The following WDR27 variants were observed in gnomAD, a reference collection of about 807,000 sequenced individuals.
WDR27 encodes WD repeat-containing protein 27.
Under a neutral mutation model 114.4 loss-of-function variants are expected in WDR27, and 100 were observed. The observed-to-expected ratio is 0.87, with a 90% CI of 0.74 to 1.03. The LOEUF is 1.03. Among genes scored for constraint, WDR27 ranks in the 50% least tolerant of loss-of-function variants. WDR27 has a pLI of 0.00. For missense variants in WDR27, 1,129 were observed against 1,092.9 expected (o/e 1.03, Z -0.47); for synonymous variants, 449 against 423.1 (o/e 1.06, Z -0.75).
At chr6:169,620,745 A>G (rs1176633817) in intron 21 of WDR27, among the ~76,000 whole-genome samples, 1 of 152,168 alleles carries the variant, frequency 6.6e-6, no homozygotes, top group Non-Finnish European at 1.5e-5. Context: ...TGGTGAAATA[A>G]ACTTTCTAAA....
intron 23 of WDR27, among the ~76,000 whole-genome samples, chr6:169,587,429 G>T (rs1252676942): frequency 6.6e-6 from 1 of 152,032 alleles, no homozygotes; most frequent in East Asian, 1.9e-4. Flanking sequence ...ATGTTAGCCA[G>T]GCTGGTCTCG....
chr6:169,547,910 T>C (rs2128099922), intron 25 of WDR27, among the ~76,000 whole-genome samples: 1 of 151,424 alleles, frequency 6.6e-6, no homozygotes, highest in Admixed American at 6.6e-5. Context: ...TTTGAAAGAA[T>C]TTACCAAAAA....
intron 1 of WDR27, among the ~76,000 whole-genome samples, chr6:169,695,537 C>T (rs1307815633): frequency 6.6e-6 from 1 of 152,168 alleles, no homozygotes; most frequent in East Asian, 1.9e-4. Flanking sequence ...ACTCAGAAAG[C>T]CATCTTGTTT....
chr6:169,428,615 G>GA, the WDR27 span, among the ~76,000 whole-genome samples: 1 of 150,752 alleles, frequency 6.6e-6, no homozygotes, highest in South Asian at 2.1e-4. Context: ...GGGAGGGGGG[G>GA]GTTCTACTCC....
At chr6:169,524,249 G>A (rs964317355) in intron 25 of WDR27, among the ~76,000 whole-genome samples, 2 of 151,946 alleles carry the variant, frequency 1.3e-5, no homozygotes, top group Non-Finnish European at 2.9e-5. Context: ...ATCTAATAAG[G>A]AAAAATATAA....
intron 25 of WDR27, among the ~76,000 whole-genome samples, chr6:169,544,237 C>T (rs745806181): frequency 1.7e-4 from 26 of 151,838 alleles, no homozygotes; most frequent in Non-Finnish European, 2.8e-4. Context: ...TAAGGTATAG[C>T]GACTGAGATA....
intron 8 of WDR27, among the ~76,000 whole-genome samples, chr6:169,662,729 CGG>C (rs1826629870): frequency 7.8e-6 from 1 of 128,250 alleles, no homozygotes; most frequent in Non-Finnish European, 1.6e-5. Flanking sequence ...GTGTGCACCG[CGG>C]AGTACTCAGA....
intron 25 of WDR27, among the ~76,000 whole-genome samples, chr6:169,530,792 G>A (rs1016228436): frequency 6.6e-6 from 1 of 152,112 alleles, no homozygotes; most frequent in African/African-American, 2.4e-5. Flanking sequence ...CATAACAAAG[G>A]CTCAATTCTA....
intron 25 of WDR27, among the ~76,000 whole-genome samples, chr6:169,486,160 T>C (rs79870647): frequency 0.013 from 1,985 of 152,190 alleles, 41 homozygotes; most frequent in African/African-American, 0.041. Context: ...AAGGTTTTTT[T>C]TTTTTGTAAG....
intron 1 of WDR27, among the ~76,000 whole-genome samples, chr6:169,694,553 A>G (rs535516167): frequency 7.7e-4 from 117 of 152,380 alleles, no homozygotes; most frequent in Non-Finnish European, 1.5e-3. Context: ...GTGGAATACA[A>G]TGCAGATGTT....
At chr6:169,611,645 C>G (rs78919990) in intron 22 of WDR27, among the ~76,000 whole-genome samples, 2 of 152,110 alleles carry the variant, frequency 1.3e-5, no homozygotes, top group Non-Finnish European at 2.9e-5. Context: ...TATTCTTACT[C>G]TACATGCTTT....
At chr6:169,525,312 G>A (rs1375340199) in intron 25 of WDR27, among the ~76,000 whole-genome samples, 5 of 152,098 alleles carry the variant, frequency 3.3e-5, no homozygotes, top group South Asian at 2.1e-4. Context: ...CAAGACAGGC[G>A]GATTGTGAGG....
At chr6:169,495,897 A>G (rs745624902) in intron 25 of WDR27, among the ~76,000 whole-genome samples, 3 of 152,056 alleles carry the variant, frequency 2.0e-5, no homozygotes, top group Non-Finnish European at 4.4e-5. Flanking sequence ...GGGGGAAAAA[A>G]AAACACTTCT....
intron 25 of WDR27, among the ~76,000 whole-genome samples, chr6:169,538,385 A>G (rs1796432574): frequency 6.6e-6 from 1 of 152,098 alleles, no homozygotes; most frequent in Non-Finnish European, 1.5e-5. Context: ...GCGAAAATCA[A>G]TCTCTCTGAA....
At chr6:169,525,995 G>A (rs1448878839) in intron 25 of WDR27, among the ~76,000 whole-genome samples, 1 of 152,130 alleles carries the variant, frequency 6.6e-6, no homozygotes, top group East Asian at 1.9e-4. Context: ...GATAAATATT[G>A]CACATTCCCC....
Position 169,593,803 on chromosome 6 carries a change from C to T in WDR27, c.2424+8416G>A, listed in dbSNP as rs546498990. Among the ~76,000 whole-genome samples, 106 of 152,180 alleles carry T rather than the reference C, an allele frequency of 7.0e-4. 1 individual carries two copies. Among genetic ancestry groups the T allele is most frequent in the Middle Eastern group, 3.4e-3 (1 of 294 alleles). On this transcript the variant is annotated intron_variant, in intron 23 of 25. Coordinates refer to ENST00000448612, the MANE Select transcript of WDR27 (RefSeq NM_182552.5). ...GGCGGAGGTTACAGTGAGCTGAGAT[C>T]GCGGCACTGAACTCCAACCTGGGCA...
intron 25 of WDR27, among the ~76,000 whole-genome samples, chr6:169,552,928 C>T (rs1415442559): frequency 6.7e-6 from 1 of 149,466 alleles, no homozygotes; most frequent in African/African-American, 2.5e-5. Context: ...GGCAGCTAAG[C>T]GCGGCTCGCA....
intron 25 of WDR27, among the ~76,000 whole-genome samples, chr6:169,561,069 C>T (rs1799605350): frequency 6.6e-6 from 1 of 152,054 alleles, no homozygotes; most frequent in Non-Finnish European, 1.5e-5. Flanking sequence ...AGGCTGCTGT[C>T]ACAAAAATGC....
intron 25 of WDR27, among the ~76,000 whole-genome samples, chr6:169,471,101 T>A (rs1455465057): frequency 1.3e-5 from 2 of 152,086 alleles, no homozygotes; most frequent in Non-Finnish European, 2.9e-5. Flanking sequence ...AGTCCTAGGC[T>A]GACTACAGAG....
Sources: gnomAD v4.1 joint callset for allele counts (sites outside exome capture counted in the v4.1 genomes callset) on GRCh38, gnomAD v4.1.1 for gene constraint, MANE v1.5 for transcripts, NCBI Gene and HGNC (gene_info 2026-07-23, HGNC 2026-07-21) for gene names.